The following UGT1A7 variants were observed in gnomAD, a reference collection of about 807,000 sequenced individuals.
UGT1A7 encodes UDP glucuronosyltransferase family 1 member A7, also known as UDP-glucuronosyltransferase 1A7.
In UGT1A7, 33 loss-of-function variants were observed where a neutral mutation model predicts 45.6. That is an observed-to-expected ratio of 0.72 (90% CI 0.55 to 0.97). UGT1A7 has a LOEUF of 0.97. Among genes scored for constraint, UGT1A7 ranks in the 50% least tolerant of loss-of-function variants. The pLI is 0.00. For synonymous variants in UGT1A7, 274 were observed against 250.6 expected, an observed-to-expected ratio of 1.09 and a Z score of -0.88; for missense variants, 684 against 666.2, an observed-to-expected ratio of 1.03 and a Z score of -0.29.
intron 1 of UGT1A7, among the ~76,000 whole-genome samples, chr2:233,724,130 C>A (rs2077172730): frequency 2.5e-5 from 3 of 120,862 alleles, no homozygotes; most frequent in Non-Finnish European, 3.4e-5. Flanking sequence ...CCCCTCACCT[C>A]CCGGACGGGG....
intron 1 of UGT1A7, chr2:233,690,573 T>C (rs1453972906): frequency 7.8e-6 from 10 of 1,288,356 alleles, no homozygotes; most frequent in South Asian, 1.2e-5. Flanking sequence ...TCATTCAGCC[T>C]GCAGCAATCC....
At chr2:233,697,307 A>T (rs116017850) in intron 1 of UGT1A7, among the ~76,000 whole-genome samples, 1,596 of 152,184 alleles carry the variant, frequency 0.01, 34 homozygotes, top group African/African-American at 0.036. Flanking sequence ...CAATCTTGGT[A>T]GATTGTTTGT....
At chr2:233,739,806 T>C (rs11695770) in intron 1 of UGT1A7, among the ~76,000 whole-genome samples, 15,021 of 151,014 alleles carry the variant, frequency 0.099, 1,689 homozygotes, top group African/African-American at 0.28. Context: ...TGGGAAGGCA[T>C]GATTGGTTTT....
intron 1 of UGT1A7, among the ~76,000 whole-genome samples, chr2:233,718,371 GAAGA>G (rs1356722234): frequency 1.3e-5 from 2 of 152,202 alleles, no homozygotes; most frequent in African/African-American, 4.8e-5. Context: ...TCACATATGA[GAAGA>G]AAGAGTTTCA....
Position 233,719,212 on chromosome 2 carries a change from T to C in UGT1A7, c.855+36420T>C, listed in dbSNP as rs1327237440. The C allele has an allele frequency of 1.9e-6, 3 of 1,614,142 alleles. No homozygotes were observed. The African/African-American group carries it at 4.0e-5, about 22-fold the overall frequency. ...GCCCTTCATAGGTGTTGTGTGGAGC[T>C]ACTGCATAATGAGGCCCTGATCAGG... On this transcript the variant is annotated intron_variant, in intron 1 of 4. Transcript: ENST00000373426.
intron 1 of UGT1A7, among the ~76,000 whole-genome samples, chr2:233,766,606 C>T (rs961105676): frequency 6.6e-6 from 1 of 152,198 alleles, no homozygotes; most frequent in Non-Finnish European, 1.5e-5. Context: ...GGACCACACC[C>T]TCTTCTACCC....
chr2:233,712,155 C>G (rs1431486401), intron 1 of UGT1A7, among the ~76,000 whole-genome samples: 1 of 152,220 alleles, frequency 6.6e-6, no homozygotes, highest in Non-Finnish European at 1.5e-5. Context: ...AAGAGGAATT[C>G]AGACTGTGCA....
intron 1 of UGT1A7, chr2:233,743,986 G>A (rs1692630126): frequency 1.6e-6 from 2 of 1,282,376 alleles, no homozygotes; most frequent in South Asian, 2.6e-5. Context: ...CCCAGGCGCA[G>A]GCCCGAGTGC....
intron 1 of UGT1A7, among the ~76,000 whole-genome samples, chr2:233,759,662 G>C (rs1697226515): frequency 1.6e-5 from 2 of 126,634 alleles, no homozygotes; most frequent in South Asian, 2.5e-4. Context: ...CTAAGTTCCT[G>C]CTCATGTGTT....
intron 1 of UGT1A7, among the ~76,000 whole-genome samples, chr2:233,712,238 T>C (rs1464476015): frequency 6.6e-6 from 1 of 152,230 alleles, no homozygotes; most frequent in African/African-American, 2.4e-5. Context: ...CATGGGTCTT[T>C]GCTAGGGTTG....
intron 1 of UGT1A7, among the ~76,000 whole-genome samples, chr2:233,720,156 G>A (rs547433908): frequency 5.6e-4 from 86 of 152,302 alleles, no homozygotes; most frequent in Non-Finnish European, 7.8e-4. Context: ...ACAGGAAGTA[G>A]AAGTGTCAAA....
At chr2:233,733,899 C>G (rs563890237) in intron 1 of UGT1A7, among the ~76,000 whole-genome samples, 41 of 152,048 alleles carry the variant, frequency 2.7e-4, no homozygotes, top group African/African-American at 9.9e-4. Flanking sequence ...CCTGTTTGTA[C>G]CTCTCTGGTA....
chr2:233,729,971 C>T (rs1206556766), intron 1 of UGT1A7: 1 of 1,613,904 alleles, frequency 6.2e-7, no homozygotes, highest in Non-Finnish European at 8.5e-7. Context: ...ATCAACTGTG[C>T]CAACAGGAAG....
chr2:233,729,145 G>A (rs564123639), intron 1 of UGT1A7: 2 of 1,613,490 alleles, frequency 1.2e-6, no homozygotes, highest in African/African-American at 1.3e-5. Flanking sequence ...AGGACTCCAG[G>A]TTCCCCTGCC....
intron 1 of UGT1A7, chr2:233,713,265 C>G (rs770209123): frequency 1.2e-6 from 2 of 1,614,226 alleles, no homozygotes; most frequent in Non-Finnish European, 1.7e-6. Context: ...ATTTGATCGC[C>G]TTTTGCTGGG....
At chr2:233,699,979 A>G (rs983427410) in intron 1 of UGT1A7, among the ~76,000 whole-genome samples, 1 of 152,210 alleles carries the variant, frequency 6.6e-6, no homozygotes, top group Non-Finnish European at 1.5e-5. Context: ...CCAACTCCCA[A>G]CAAAGAATTA....
intron 1 of UGT1A7, chr2:233,692,374 T>C (rs932827804): frequency 6.5e-6 from 1 of 155,020 alleles, no homozygotes. Flanking sequence ...TAGCAAATGA[T>C]TGACTCCAAG....
At chr2:233,716,525 A>G (rs931011254) in intron 1 of UGT1A7, among the ~76,000 whole-genome samples, 1 of 152,164 alleles carries the variant, frequency 6.6e-6, no homozygotes, top group Non-Finnish European at 1.5e-5. Flanking sequence ...CTTACCATTC[A>G]ATTATCTCCT....
intron 1 of UGT1A7, among the ~76,000 whole-genome samples, chr2:233,722,870 A>ATTTTTT: frequency 7.8e-6 from 1 of 127,982 alleles, no homozygotes; most frequent in Non-Finnish European, 1.7e-5. Context: ...GAAGGAAAAA[A>ATTTTTT]TAAATTTATT....
Sources: gnomAD v4.1 joint callset for allele counts (sites outside exome capture counted in the v4.1 genomes callset) on GRCh38, gnomAD v4.1.1 for gene constraint, MANE v1.5 for transcripts, NCBI Gene and HGNC (gene_info 2026-07-23, HGNC 2026-07-21) for gene names.